The following AFF2 variants were observed in gnomAD, a reference collection of about 807,000 sequenced individuals.
AFF2 encodes ALF transcription elongation factor 2, also known as AF4/FMR2 family member 2.
A neutral mutation model predicts 76.9 loss-of-function variants in AFF2; 14 were observed. That is an observed-to-expected ratio of 0.18 (90% CI 0.12 to 0.28). The LOEUF (loss-of-function observed/expected upper bound fraction) is 0.28. AFF2 is among the 10% of genes least tolerant of loss of function. The pLI, the probability that AFF2 is intolerant of heterozygous loss-of-function variation, is 1.00. For synonymous variants in AFF2, 398 were observed against 366.7 expected (o/e 1.09, Z -0.98); for missense variants, 868 against 1,001.1 (o/e 0.87, Z 1.79).
At chrX:148,702,423 T>C (rs1429840640) in intron 3 of AFF2, among the ~76,000 whole-genome samples, 1 of 111,689 alleles carries the variant, frequency 9.0e-6, no homozygotes, top group Non-Finnish European at 1.9e-5. Context: ...AGAAATGCCA[T>C]TTCCAGGTAA....
intron 9 of AFF2, among the ~76,000 whole-genome samples, chrX:148,907,141 C>T (rs1438824675): frequency 8.9e-6 from 1 of 112,033 alleles, no homozygotes; most frequent in Non-Finnish European, 1.9e-5. Flanking sequence ...GAACAAAGAT[C>T]CCCCCGGTAA....
intron 3 of AFF2, among the ~76,000 whole-genome samples, chrX:148,699,908 T>A (rs1380745240): frequency 8.9e-6 from 1 of 112,428 alleles, no homozygotes; most frequent in African/African-American, 3.2e-5. Flanking sequence ...TTTATTTAGA[T>A]TGTTTTGGGC....
chrX:148,968,970 G>A (rs965693199), intron 15 of AFF2, among the ~76,000 whole-genome samples: 3 of 112,403 alleles, frequency 2.7e-5, no homozygotes, highest in Non-Finnish European at 5.6e-5. Context: ...GAGCACTCAA[G>A]TGCTCCTAGG....
At chrX:148,651,842 A>G in intron 1 of AFF2, among the ~76,000 whole-genome samples, 157 bp from the exon 2 acceptor site, 1 of 111,963 alleles carries the variant, frequency 8.9e-6, no homozygotes, top group Non-Finnish European at 1.9e-5. Flanking sequence ...TAAACTCAAT[A>G]GGTGTAATGA....
At chrX:148,786,399 C>T (rs2069821453) in intron 3 of AFF2, among the ~76,000 whole-genome samples, 1 of 111,870 alleles carries the variant, frequency 8.9e-6, no homozygotes, top group Non-Finnish European at 1.9e-5. Flanking sequence ...ACTTGGGTGG[C>T]TTAAACAACA....
At chrX:148,647,702 T>A (rs1000941470) in intron 1 of AFF2, among the ~76,000 whole-genome samples, 1 of 111,668 alleles carries the variant, frequency 9.0e-6, no homozygotes, top group Non-Finnish European at 1.9e-5. Flanking sequence ...GGACAAACCA[T>A]GTTGCTTGGG....
chrX:148,789,976 C>T (rs782151262), intron 3 of AFF2, among the ~76,000 whole-genome samples: 3 of 110,780 alleles, frequency 2.7e-5, no homozygotes, highest in African/African-American at 9.8e-5. Context: ...ATGGGTCACC[C>T]CTCTTCTTTC....
chrX:148,886,260 G>A (rs1557279085), intron 8 of AFF2, among the ~76,000 whole-genome samples: 1 of 111,289 alleles, frequency 9.0e-6, no homozygotes, highest in Non-Finnish European at 1.9e-5. Flanking sequence ...CTGGTCAGTG[G>A]TAAGCAATAG....
chrX:148,704,536 A>T (rs1261240814), intron 3 of AFF2, among the ~76,000 whole-genome samples: 5 of 99,185 alleles, frequency 5.0e-5, no homozygotes, highest in African/African-American at 1.8e-4. Context: ...ATATATAAAA[A>T]TTTTTTTTGA....
At chrX:148,886,250 C>A (rs1360332427) in intron 8 of AFF2, among the ~76,000 whole-genome samples, 1 of 111,460 alleles carries the variant, frequency 9.0e-6, no homozygotes, top group Non-Finnish European at 1.9e-5. Flanking sequence ...TACACAAATG[C>A]TGGTCAGTGG....
chrX:148,541,689 A>C (rs782171573), intron 1 of AFF2, among the ~76,000 whole-genome samples: 1 of 111,141 alleles, frequency 9.0e-6, no homozygotes, highest in African/African-American at 3.3e-5. Context: ...TCATATTATT[A>C]ACATTATGGC....
chrX:148,559,864 A>G (rs2053090983), intron 1 of AFF2, among the ~76,000 whole-genome samples: 1 of 111,489 alleles, frequency 9.0e-6, no homozygotes, highest in African/African-American at 3.3e-5. Flanking sequence ...TGTCTTCCAC[A>G]ATGGTTGAAC....
At chrX:148,509,335 C>T (rs1184405699) in intron 1 of AFF2, among the ~76,000 whole-genome samples, 1 of 111,306 alleles carries the variant, frequency 9.0e-6, no homozygotes, top group African/African-American at 3.3e-5. Context: ...GTTTAGGGGA[C>T]CCGGAGCATT....
chrX:148,517,978 G>A (rs1438981867), intron 1 of AFF2, among the ~76,000 whole-genome samples: 1 of 104,076 alleles, frequency 9.6e-6, no homozygotes, highest in Non-Finnish European at 2.0e-5. Flanking sequence ...AGCCAAGATC[G>A]CGCCACTGCA....
chrX:148,511,892 AC>A (rs2052486441), intron 1 of AFF2, among the ~76,000 whole-genome samples: 1 of 112,381 alleles, frequency 8.9e-6, no homozygotes, highest in South Asian at 3.6e-4. Flanking sequence ...GTGGAAAAAC[AC>A]CCCTGAACAT....
intron 3 of AFF2, among the ~76,000 whole-genome samples, chrX:148,725,582 C>T: frequency 8.9e-6 from 1 of 111,766 alleles, no homozygotes; most frequent in South Asian, 3.8e-4. Context: ...AACACTTTTA[C>T]TTCTCTGACA....
chrX:148,661,795 T>C, intron 2 of AFF2, 113 bp from the exon 3 acceptor site: 1 of 810,399 alleles, frequency 1.2e-6, no homozygotes, highest in Non-Finnish European at 1.8e-6. Flanking sequence ...CAAGACATAT[T>C]TAAAGAATCC....
intron 20 of AFF2, among the ~76,000 whole-genome samples, chrX:148,989,917 T>C (rs782073277): frequency 9.8e-5 from 11 of 112,141 alleles, no homozygotes; most frequent in Non-Finnish European, 1.9e-4. Context: ...TTGGAGCAGT[T>C]ATTAAAATGG....
At position 148,654,490 on chromosome X, in the gene AFF2, G is replaced by A. The variant is rs1233053178; in HGVS notation, c.180+2359G>A. On this transcript the variant is annotated intron_variant, in intron 2 of 20. Coordinates refer to ENST00000370460, the MANE Select transcript of AFF2 (RefSeq NM_002025.4). ...AAAGATAAGTTAGAAAGTAAAGGGA[G>A]GAATTATATAAAGGGAAGCTTTTTA... Among the ~76,000 whole-genome samples, 7 of 110,920 alleles carry A rather than the reference G, an allele frequency of 6.3e-5. No homozygotes were observed. In the Admixed American group the frequency reaches 6.7e-4, roughly 11 times the overall value.
Sources: allele counts gnomAD v4.1 joint callset (sites outside exome capture counted in the v4.1 genomes callset), GRCh38; gene constraint gnomAD v4.1.1; transcripts MANE v1.5; gene names NCBI Gene and HGNC (gene_info 2026-07-23, HGNC 2026-07-21).